The following CLMP variants were observed in gnomAD, a reference collection of about 807,000 sequenced individuals.
CLMP encodes the protein CXADR-like membrane protein.
Under a neutral mutation model 45.2 loss-of-function variants are expected in CLMP, and 27 were observed. That is an observed-to-expected ratio of 0.60 (90% CI 0.44 to 0.82). The LOEUF (loss-of-function observed/expected upper bound fraction) is 0.82, where lower values mean the gene tolerates loss of function less well. Among genes scored for constraint, CLMP ranks in the 40% least tolerant of loss-of-function variants. The pLI, the probability that CLMP is intolerant of heterozygous loss-of-function variation, is 0.00. For synonymous variants in CLMP, 167 were observed against 171.4 expected, an observed-to-expected ratio of 0.97 and a Z score of 0.20; for missense variants, 403 against 448.4, an observed-to-expected ratio of 0.90 and a Z score of 0.91.
chr11:123,073,539 G>C lies in CLMP; in HGVS notation c.1057C>G (p.Leu353Val). 6.2e-7 allele frequency: 1 copy of C among 1,614,210 alleles called. No homozygotes were observed. The highest frequency in any genetic ancestry group is 1.3e-5 in the African/African-American group (1 of 75,062). ...SEPKKVHHANLTKAETTPSMI... is the reference protein window; with the variant it reads ...SEPKKVHHANVTKAETTPSMI... ...CTGGGTGTGGTTTCTGCTTTGGTCA[G>C]ATTAGCATGGTGGACTTTCTTTGGT... The change falls in exon 7 of 7, where the codon CTG becomes GTG. Residue 353 changes from leucine to valine, a missense_variant. By Grantham distance (32) the Leu-to-Val change is conservative. Transcript: ENST00000448775.
intron 3 of CLMP, 99 bp from the exon 4 acceptor site, chr11:123,083,946 C>T (rs1865834311): frequency 7.1e-7 from 1 of 1,415,796 alleles, no homozygotes; most frequent in Non-Finnish European, 9.6e-7. Context: ...CTTCTCCAGC[C>T]ATCTGTTTTG....
chr11:123,130,175 G>T (rs569651408), intron 1 of CLMP, among the ~76,000 whole-genome samples: 1 of 152,262 alleles, frequency 6.6e-6, no homozygotes, highest in East Asian at 1.9e-4. Context: ...TGTTGGGGCT[G>T]GAGAACACTG....
At chr11:123,081,756 G>T (rs1179960624) in intron 5 of CLMP, among the ~76,000 whole-genome samples, 1 of 151,918 alleles carries the variant, frequency 6.6e-6, no homozygotes, top group Non-Finnish European at 1.5e-5. Flanking sequence ...CAGCTACTCA[G>T]GAGGCTGAGG....
chr11:123,118,977 CTTTCTTTCTTTCTT>C (rs1565387825), intron 1 of CLMP, among the ~76,000 whole-genome samples: 6 of 49,540 alleles, frequency 1.2e-4, no homozygotes, highest in South Asian at 7.4e-4. Flanking sequence ...TTCTTTCTTT[CTTTCTTTCTTTCTT>C]TCTTTCTTTC....
intron 5 of CLMP, among the ~76,000 whole-genome samples, chr11:123,080,516 G>A (rs1865792537): frequency 6.6e-6 from 1 of 152,016 alleles, no homozygotes; most frequent in Non-Finnish European, 1.5e-5. Flanking sequence ...TAGTAGAGAT[G>A]GGGTTTCACC....
chr11:123,111,630 T>C (rs1315309896), intron 1 of CLMP, among the ~76,000 whole-genome samples: 5 of 152,218 alleles, frequency 3.3e-5, no homozygotes, highest in Non-Finnish European at 7.3e-5. Context: ...TTAAGGTAGT[T>C]ATTCTTAGTA....
chr11:123,132,381 A>G (rs892052074), intron 1 of CLMP, among the ~76,000 whole-genome samples: 1 of 152,150 alleles, frequency 6.6e-6, no homozygotes, highest in African/African-American at 2.4e-5. Context: ...AGTTTCCCCA[A>G]TGTTTTCTAT....
At chr11:123,114,007 G>A (rs774844398) in intron 1 of CLMP, among the ~76,000 whole-genome samples, 1 of 152,160 alleles carries the variant, frequency 6.6e-6, no homozygotes, top group South Asian at 2.1e-4. Flanking sequence ...GACTCTCAGA[G>A]ATCCAGATCT....
intron 1 of CLMP, among the ~76,000 whole-genome samples, chr11:123,158,384 A>G (rs1050291693): frequency 6.6e-6 from 1 of 152,220 alleles, no homozygotes; most frequent in Non-Finnish European, 1.5e-5. Flanking sequence ...TGGCTAGAAC[A>G]GTGGTGGCGA....
At chr11:123,124,753 G>C (rs1374600077) in intron 1 of CLMP, among the ~76,000 whole-genome samples, 1 of 152,126 alleles carries the variant, frequency 6.6e-6, no homozygotes, top group East Asian at 1.9e-4. Context: ...TATCCCTGAG[G>C]GTCTTGGGCA....
Position 123,097,815 on chromosome 11 carries a change from T to A in CLMP, c.166A>T (p.Asn56Tyr), listed in dbSNP as rs774689924. Residue 56 changes from asparagine to tyrosine, a missense_variant, in exon 2 of 7, where the codon AAT becomes TAT. Asn to Tyr is a moderately radical substitution (Grantham distance 143). Coordinates refer to ENST00000448775, the MANE Select transcript of CLMP (RefSeq NM_024769.5). ...CTTACCACTTTTTGGTTCCCTTCATTATCGGTGAGCAGCCATTCAATATCC... is the reference window on the plus strand; with the variant it reads ...CTTACCACTTTTTGGTTCCCTTCATAATCGGTGAGCAGCCATTCAATATCC... ...TLDIEWLLTD[N>Y]EGNQKVVITY... 3.8e-6 allele frequency: 6 copies of A among 1,598,790 alleles called. No individual in the cohort carries two copies. Among genetic ancestry groups the A allele is most frequent in the Middle Eastern group, 1.7e-4 (1 of 5,994 alleles).
intron 1 of CLMP, among the ~76,000 whole-genome samples, chr11:123,129,672 T>A (rs894063980): frequency 7.0e-6 from 1 of 142,442 alleles, no homozygotes; most frequent in African/African-American, 2.6e-5. Context: ...ATTTTATATA[T>A]ATAAATATTA....
chr11:123,108,049 G>A (rs1860585080), intron 1 of CLMP, among the ~76,000 whole-genome samples: 1 of 152,110 alleles, frequency 6.6e-6, no homozygotes. Flanking sequence ...CACAGAGGGA[G>A]GGAAAAGAAT....
At chr11:123,104,344 G>A (rs1860504066) in intron 1 of CLMP, among the ~76,000 whole-genome samples, 1 of 151,050 alleles carries the variant, frequency 6.6e-6, no homozygotes, top group African/African-American at 2.4e-5. Context: ...GCCTCCCAAA[G>A]TCTAGGATTA....
intron 1 of CLMP, among the ~76,000 whole-genome samples, chr11:123,144,155 C>A (rs1204363189): frequency 8.3e-6 from 1 of 120,478 alleles, no homozygotes; most frequent in African/African-American, 4.0e-5. Context: ...TGAGCCATAG[C>A]TGGAACTCCT....
chr11:123,083,699 C>A lies in CLMP; in HGVS notation c.537G>T (p.Leu179=). Residue 179 remains leucine (L), a synonymous_variant, in exon 4 of 7, where the codon CTG becomes CTT. Transcript: ENST00000448775. ...IREKEGEDER[L]PPKSRIDYNH... The stretch of plus-strand genomic sequence containing the variant: ...ACTTACCAATCCTAGATTTGGGAGG[C>A]AGACGTTCATCCTCTCCCTCTTTCT... 1 of 1,614,032 alleles carries A rather than the reference C, an allele frequency of 6.2e-7. No individual in the cohort carries two copies. The highest frequency in any genetic ancestry group is 1.7e-5 in the Admixed American group (1 of 60,004).
intron 1 of CLMP, among the ~76,000 whole-genome samples, chr11:123,140,776 C>G (rs1203131212): frequency 6.6e-6 from 1 of 152,110 alleles, no homozygotes; most frequent in African/African-American, 2.4e-5. Context: ...GCTAGTTGCA[C>G]CTATCCATAC....
chr11:123,078,683 C>A (rs1167314653), intron 5 of CLMP, among the ~76,000 whole-genome samples: 1 of 132,348 alleles, frequency 7.6e-6, no homozygotes, highest in Admixed American at 8.2e-5. Context: ...CCTGCTCTGT[C>A]GCCTAGGCTG....
intron 1 of CLMP, among the ~76,000 whole-genome samples, chr11:123,142,247 A>C (rs564357064): frequency 6.6e-6 from 1 of 152,174 alleles, no homozygotes; most frequent in East Asian, 1.9e-4. Flanking sequence ...CGGCCTCCCA[A>C]AGTGCTGGCA....
Sources: gnomAD v4.1 joint callset for allele counts (sites outside exome capture counted in the v4.1 genomes callset) on GRCh38, gnomAD v4.1.1 for gene constraint, MANE v1.5 for transcripts, NCBI Gene and HGNC (gene_info 2026-07-23, HGNC 2026-07-21) for gene names.